Variants in LGALSL observed in about 807,000 individuals in gnomAD.
LGALSL encodes the protein galectin like, also known as galectin-related protein.
A neutral mutation model predicts 19.5 loss-of-function variants in LGALSL; 13 were observed. That is an observed-to-expected ratio of 0.67 (90% CI 0.43 to 1.06). LGALSL has a LOEUF of 1.06. LGALSL is among the 50% of genes least tolerant of loss of function. LGALSL has a pLI of 0.00. For synonymous variants in LGALSL, 86 were observed against 78.3 expected (o/e 1.10, Z -0.52); for missense variants, 189 against 219.3 (o/e 0.86, Z 0.87).
At chr2:64,457,899 A>G (rs1686761548) in intron 4 of LGALSL, among the ~76,000 whole-genome samples, 1 of 152,206 alleles carries the variant, frequency 6.6e-6, no homozygotes, top group African/African-American at 2.4e-5. Flanking sequence ...TAATGCTCCC[A>G]ACAGCAAAAC....
In LGALSL at chr2:64,454,412, C is replaced by A; in HGVS notation, c.-134C>A. The stretch of plus-strand genomic sequence containing the variant: ...CGGCGCCGGGCCCCGGGCGCGCGCG[C>A]GCGCGCCCCCTCGTGTGTGCGCGCG... On this transcript the variant is annotated 5_prime_UTR_variant, in exon 1 of 5. Transcript: ENST00000238875. The surrounding 1 kb of genome is among the most constrained non-coding windows in gnomAD (Gnocchi z 5.1). 1 of 381,090 alleles carries A rather than the reference C, an allele frequency of 2.6e-6. No homozygotes were observed. The highest frequency in any genetic ancestry group is 4.4e-6 in the Non-Finnish European group (1 of 224,978). 23.6% of individuals were successfully genotyped at this position (381,090 alleles called of 1,614,324 possible).
rs1318105098 is a variant in LGALSL, at chr2:64,459,289, G to A, written c.*861G>A. 6.6e-6 allele frequency: 1 copy of A among 152,112 alleles called. No homozygotes were observed. The highest frequency in any genetic ancestry group is 6.5e-5 in the Admixed American group (1 of 15,272). 9.4% of individuals were successfully genotyped at this position (152,112 alleles called of 1,614,324 possible). ...ATTAGCACATTATTGGCTTCCTTAA[G>A]ACTAATTATTTCTCTCTTGATTTAT... On this transcript the variant is annotated 3_prime_UTR_variant, in exon 5 of 5. Transcript: ENST00000238875.
rs1310467127 is a variant in LGALSL, at chr2:64,458,481, T to C, written c.*53T>C. 1 of 1,551,068 alleles carries C rather than the reference T, an allele frequency of 6.4e-7. No homozygotes were observed. The highest frequency in any genetic ancestry group is 8.8e-7 in the Non-Finnish European group (1 of 1,135,262). ...TCACGTGCCACAACTATCTGACTGT[T>C]GGTCTGGAAGAAGTGTCCTAGCAAG... On this transcript the variant is annotated 3_prime_UTR_variant, in exon 5 of 5. Transcript: ENST00000238875.
rs549363339 is a variant in LGALSL, at chr2:64,455,226, C to T, written c.37-118C>T. 1,280 of 754,394 alleles carry T rather than the reference C, an allele frequency of 1.7e-3. 2 individuals are homozygous for T. The highest frequency in any genetic ancestry group is 1.8e-3 in the Non-Finnish European group (741 of 413,188). 46.7% of individuals were successfully genotyped at this position (754,394 alleles called of 1,614,324 possible). A position where few individuals can be genotyped will look rare whatever the true frequency, so the allele number is the denominator to read the frequency against. ...CTAAGAGACGGTGAAGAGGCATCAT[C>T]TGCAGACACTGTGTGCATGTGGAAG... On this transcript the variant is annotated intron_variant, in intron 1 of 4. Transcript: ENST00000238875.
At position 64,455,379 on chromosome 2, in the gene LGALSL, C is replaced by G. The variant is rs558398486; in HGVS notation, c.72C>G (p.Ser24Arg). 6 of 1,613,826 alleles carry G rather than the reference C, an allele frequency of 3.7e-6. No homozygotes were observed. In the East Asian group the frequency reaches 1.3e-4, roughly 36 times the overall value. The change falls in exon 2 of 5, where the codon AGC (serine) becomes AGG (arginine). Residue 24 changes from serine to arginine, a missense_variant. Physicochemically the swap from Ser to Arg is moderately radical, Grantham distance 110. Coordinates refer to ENST00000238875, the MANE Select transcript of LGALSL (RefSeq NM_014181.3). ...ATGGCCATTTAAACAACTCTTTGAG[C>G]TCTCCAGTTCAAGCGGACGTGTACT... ...LDDGHLNNSL[S>R]SPVQADVYFP...
chr2:64,455,023 A>G (rs1395541765), intron 1 of LGALSL, among the ~76,000 whole-genome samples: 1 of 151,896 alleles, frequency 6.6e-6, no homozygotes, highest in Non-Finnish European at 1.5e-5. Flanking sequence ...GGCCTGGCCC[A>G]CCGCGCTTCC....
At chr2:64,456,228 G>T (rs746422141) in intron 3 of LGALSL, 60 bp from the exon 4 acceptor site, 5 of 1,453,008 alleles carry the variant, frequency 3.4e-6, no homozygotes, top group Non-Finnish European at 4.8e-6. Flanking sequence ...ATAAGCACTT[G>T]GGTCATTTTG....
intron 3 of LGALSL, 117 bp from the exon 4 acceptor site, chr2:64,456,171 G>A (rs1303681555): frequency 1.2e-6 from 1 of 812,808 alleles, no homozygotes; most frequent in Non-Finnish European, 2.0e-6. Context: ...CTCTTGAAGA[G>A]TAGTGGCCTC....
In LGALSL at chr2:64,458,381, G is replaced by C. The variant is rs1686769898; in HGVS notation, c.472G>C (p.Asp158His). 6.2e-7 allele frequency: 1 copy of C among 1,613,898 alleles called. No homozygotes were observed. The highest frequency in any genetic ancestry group is 8.5e-7 in the Non-Finnish European group (1 of 1,179,842). The change falls in exon 5 of 5, where the codon GAC becomes CAC. Residue 158 changes from aspartate (D) to histidine (H), a missense_variant. By Grantham distance (81) the Asp-to-His change is moderately conservative. This residue lies in a region of LGALSL where 106 missense variants were observed against 119.3 expected (regional missense o/e 0.89). Coordinates refer to ENST00000238875, the MANE Select transcript of LGALSL (RefSeq NM_014181.3). ...YHRIQTLSAIDTIKINGDLQI... is the reference protein window; with the variant it reads ...YHRIQTLSAIHTIKINGDLQI... ...TCGCATTCAAACGTTATCTGCAATTGACACCATAAAGATAAATGGAGACCT... is the reference window on the plus strand; with the variant it reads ...TCGCATTCAAACGTTATCTGCAATTCACACCATAAAGATAAATGGAGACCT...
intron 1 of LGALSL, 114 bp from the exon 2 acceptor site, chr2:64,455,230 A>C (rs3770741): frequency 0.57 from 438,967 of 765,460 alleles, 130,515 homozygotes; most frequent in East Asian, 0.87. Context: ...CATCATCTGC[A>C]GACACTGTGT....
Position 64,458,425 on chromosome 2 carries a change from C to A in LGALSL, c.516C>A (p.Gly172=), listed in dbSNP as rs1686770466. 1.2e-6 allele frequency: 2 copies of A among 1,612,410 alleles called. No homozygotes were observed. Among genetic ancestry groups the A allele is most frequent in the Non-Finnish European group, 1.7e-6 (2 of 1,179,160 alleles). The change falls in exon 5 of 5, where the codon GGC becomes GGA. Residue 172 remains glycine (G), a synonymous_variant. Coordinates refer to ENST00000238875, the MANE Select transcript of LGALSL (RefSeq NM_014181.3). ...INGDLQITKL[G] Reference sequence around the variant, plus strand: ...GAGACCTCCAGATCACCAAGCTTGGCTGATTTAAACCACCTCTATTTCAAA... The same window carrying A: ...GAGACCTCCAGATCACCAAGCTTGGATGATTTAAACCACCTCTATTTCAAA...
In LGALSL at chr2:64,454,735, T is replaced by C. The variant is rs1292467500; in HGVS notation, c.36+154T>C. Among the ~76,000 whole-genome samples the C allele has an allele frequency of 6.6e-6, 1 of 151,896 alleles. No individual in the cohort carries two copies. The highest frequency in any genetic ancestry group is 1.5e-5 in the Non-Finnish European group (1 of 67,932). ...CCGGTACCTGTTAGCAGCCGCTGGCTGCGCGCGGCCGGTGTTAGGGGCTGG... is the reference window on the plus strand; with the variant it reads ...CCGGTACCTGTTAGCAGCCGCTGGCCGCGCGCGGCCGGTGTTAGGGGCTGG... On this transcript the variant is annotated intron_variant, in intron 1 of 4. Transcript: ENST00000238875. The surrounding 1 kb of genome is among the most constrained non-coding windows in gnomAD (Gnocchi z 5.1).
rs1686724042 is a variant in LGALSL, at chr2:64,455,696, C to T, written c.197+19C>T. On this transcript the variant is annotated intron_variant, in intron 3 of 4. Transcript: ENST00000238875. Reference sequence around the variant, plus strand: ...CAGAGAGGTAAGGCAGAGTCTTTGTCAGGACAGAACTATCAGGCTGTGGCT... The same window carrying T: ...CAGAGAGGTAAGGCAGAGTCTTTGTTAGGACAGAACTATCAGGCTGTGGCT... The T allele has an allele frequency of 6.4e-7, 1 of 1,566,544 alleles. No individual in the cohort carries two copies. Among genetic ancestry groups the T allele is most frequent in the Non-Finnish European group, 8.8e-7 (1 of 1,136,634 alleles).
intron 1 of LGALSL, 110 bp from the exon 2 acceptor site, chr2:64,455,234 A>G: frequency 2.6e-6 from 2 of 780,246 alleles, no homozygotes; most frequent in Admixed American, 3.6e-5. Context: ...ATCTGCAGAC[A>G]CTGTGTGCAT....
At position 64,461,327 on chromosome 2, in the gene LGALSL, C is replaced by G. The variant is rs1164243213; in HGVS notation, c.*2899C>G. 6.6e-6 allele frequency: 1 copy of G among 152,172 alleles called. No homozygotes were observed. The highest frequency in any genetic ancestry group is 2.4e-5 in the African/African-American group (1 of 41,436). 9.4% of individuals were successfully genotyped at this position (152,172 alleles called of 1,614,324 possible). On this transcript the variant is annotated 3_prime_UTR_variant, in exon 5 of 5. Coordinates refer to ENST00000238875, the MANE Select transcript of LGALSL (RefSeq NM_014181.3). Reference sequence around the variant, plus strand: ...TAAAATGTTGCTAAATGTGTTGTTACATTATGTCACTGCTGAAAGTAATTT... The same window carrying G: ...TAAAATGTTGCTAAATGTGTTGTTAGATTATGTCACTGCTGAAAGTAATTT...
intron 3 of LGALSL, 55 bp from the exon 4 acceptor site, chr2:64,456,233 A>G: frequency 6.6e-7 from 1 of 1,512,814 alleles, no homozygotes. Context: ...CACTTGGGTC[A>G]TTTTGAAATG....
chr2:64,454,661 G>T lies in LGALSL; in HGVS notation c.36+80G>T, dbSNP rs1237061527. The T allele has an allele frequency of 2.8e-5, 29 of 1,049,540 alleles. No homozygotes were observed. Among genetic ancestry groups the T allele is most frequent in the Non-Finnish European group, 3.3e-5 (27 of 823,184 alleles). The allele number at this position is 1,049,540 out of a possible 1,614,324, so 65.0% of individuals were successfully genotyped here. On this transcript the variant is annotated intron_variant, in intron 1 of 4. Transcript: ENST00000238875. This position sits in a 1 kb window ranked among gnomAD's most constrained non-coding sequence, Gnocchi z 5.1. ...CGCCGCCTGCTCCAGCAGTGCTGGG[G>T]TGCTGAGCAGCCGCAGGCCCGGCCG...
At position 64,456,670 on chromosome 2, in the gene LGALSL, G is replaced by C. The variant is rs192805600; in HGVS notation, c.375+205G>C. Reference sequence around the variant, plus strand: ...CATAGTATCTTCTTAGTTCTATTCAGGTCATACATTTAAATAGACCCATAT... The same window carrying C: ...CATAGTATCTTCTTAGTTCTATTCACGTCATACATTTAAATAGACCCATAT... On this transcript the variant is annotated intron_variant, in intron 4 of 4. Transcript: ENST00000238875. Among the ~76,000 whole-genome samples the C allele has an allele frequency of 9.7e-4, 147 of 152,136 alleles. 1 individual carries two copies. Among genetic ancestry groups the C allele is most frequent in the African/African-American group, 3.3e-3 (137 of 41,468 alleles).
chr2:64,454,533 G>A lies in LGALSL; in HGVS notation c.-13G>A. 2 of 1,424,556 alleles carry A rather than the reference G, an allele frequency of 1.4e-6. No homozygotes were observed. The highest frequency in any genetic ancestry group is 3.1e-5 in the East Asian group (1 of 32,056). 88.2% of individuals were successfully genotyped at this position (1,424,556 alleles called of 1,614,324 possible). On this transcript the variant is annotated 5_prime_UTR_variant, in exon 1 of 5. Transcript: ENST00000238875. The surrounding 1 kb of genome is among the most constrained non-coding windows in gnomAD (Gnocchi z 5.1). The stretch of plus-strand genomic sequence containing the variant: ...CGCCGCGTCCCACGTACCCCGCCGC[G>A]CCGGGCAAGAAGATGGCGGGATCAG...
Sources: gnomAD v4.1 joint callset for allele counts (sites outside exome capture counted in the v4.1 genomes callset) on GRCh38, gnomAD v4.1.1 for gene constraint, gnomAD v4.1.1 regional missense constraint, Gnocchi (gnomAD v3.1) non-coding constraint, MANE v1.5 for transcripts, NCBI Gene and HGNC (gene_info 2026-07-23, HGNC 2026-07-21) for gene names.